The following FRMD4A variants were observed in gnomAD, a reference collection of about 807,000 sequenced individuals.
FRMD4A encodes FERM domain containing 4A.
A neutral mutation model predicts 129.1 loss-of-function variants in FRMD4A; 29 were observed. The observed-to-expected ratio is 0.22, with a 90% CI of 0.17 to 0.31. FRMD4A has a LOEUF of 0.31. Among genes scored for constraint, FRMD4A ranks in the 10% least tolerant of loss-of-function variants. The pLI, the probability that FRMD4A is intolerant of heterozygous loss-of-function variation, is 1.00. For missense variants in FRMD4A, 1,272 were observed against 1,375.8 expected (o/e 0.92, Z 1.19); for synonymous variants, 634 against 571.6 (o/e 1.11, Z -1.56).
chr10:14,239,661 A>AAG (rs1554792180), intron 2 of FRMD4A, among the ~76,000 whole-genome samples: 2 of 151,720 alleles, frequency 1.3e-5, no homozygotes, highest in East Asian at 3.9e-4. Flanking sequence ...ACAAAAAAAA[A>AAG]CTGGCAAAAG....
At position 13,810,906 on chromosome 10, in the gene FRMD4A, G is replaced by C; in HGVS notation, c.114C>G (p.Pro38=). The change falls in exon 4 of 25, where the codon CCC becomes CCG. Residue 38 remains proline, a splice_region_variant and synonymous_variant. Transcript: ENST00000357447. ...DDRKLELLVQ[P]KLLAKELLDL... is the part of the protein sequence containing the mutation. ...CAAGAAGCTCCTTGGCCAACAGCTT[G>C]GGCTGCAAGAAGAATACAATGGAAG... is the stretch of plus-strand genomic sequence containing the variant. 6.4e-7 allele frequency: 1 copy of C among 1,562,226 alleles called. No individual in the cohort carries two copies. The highest frequency in any genetic ancestry group is 1.4e-5 in the African/African-American group (1 of 73,982).
At chr10:14,280,484 A>T (rs1226140121) in intron 2 of FRMD4A, among the ~76,000 whole-genome samples, 1 of 152,090 alleles carries the variant, frequency 6.6e-6, no homozygotes, top group Non-Finnish European at 1.5e-5. Flanking sequence ...GCAAATCACC[A>T]TGTAAGTGAT....
intron 2 of FRMD4A, among the ~76,000 whole-genome samples, chr10:14,199,482 C>T (rs1052620027): frequency 4.0e-5 from 6 of 150,936 alleles, no homozygotes; most frequent in Non-Finnish European, 5.9e-5. Context: ...CTCCACCTCC[C>T]GGGCTCAAGC....
chr10:13,872,072 C>T (rs757724956), intron 2 of FRMD4A, among the ~76,000 whole-genome samples: 1 of 152,248 alleles, frequency 6.6e-6, no homozygotes, highest in South Asian at 2.1e-4. Flanking sequence ...TGATGAGGAA[C>T]GCTGCACATA....
chr10:13,981,703 C>T (rs1321860521), intron 2 of FRMD4A, among the ~76,000 whole-genome samples: 2 of 144,912 alleles, frequency 1.4e-5, no homozygotes, highest in African/African-American at 5.1e-5. Context: ...CACGCCATTG[C>T]ACTCCAGCCT....
rs1350094250 is a variant in FRMD4A at position 13,983,714 on chromosome 10, TG to T, written c.46-124803del. Reference sequence around the variant, plus strand: ...GATCTGTTAATGTTTCTTAATAAACTGGGGGCCGGGCGCGGTGGCTCATGCC... The same window carrying T: ...GATCTGTTAATGTTTCTTAATAAACTGGGGCCGGGCGCGGTGGCTCATGCC... On this transcript the variant is annotated intron_variant, in intron 2 of 24. Coordinates refer to ENST00000357447, the MANE Select transcript of FRMD4A (RefSeq NM_018027.5). Among the ~76,000 whole-genome samples, 9 of 151,978 alleles carry T rather than the reference TG, an allele frequency of 5.9e-5. No individual in the cohort carries two copies. The East Asian group carries it at 1.7e-3, about 29-fold the overall frequency.
intron 2 of FRMD4A, among the ~76,000 whole-genome samples, chr10:14,146,059 T>C (rs1840059016): frequency 6.6e-6 from 1 of 152,234 alleles, no homozygotes; most frequent in Non-Finnish European, 1.5e-5. Context: ...TCGCTGGCTG[T>C]GTGACCTTGA....
chr10:14,093,580 G>A (rs772526233), intron 2 of FRMD4A, among the ~76,000 whole-genome samples: 8 of 152,130 alleles, frequency 5.3e-5, no homozygotes, highest in Non-Finnish European at 7.3e-5. Context: ...AGGCTTTGAC[G>A]GGATGAGTGG....
At chr10:14,090,551 G>C (rs1836600735) in intron 2 of FRMD4A, among the ~76,000 whole-genome samples, 1 of 152,212 alleles carries the variant, frequency 6.6e-6, no homozygotes, top group Admixed American at 6.5e-5. Flanking sequence ...GGTTGGGTTA[G>C]AGCCAGGCAG....
At chr10:14,229,007 C>A (rs560686513) in intron 2 of FRMD4A, among the ~76,000 whole-genome samples, 126 of 152,234 alleles carry the variant, frequency 8.3e-4, no homozygotes, top group African/African-American at 2.9e-3. Context: ...ACGAGCCCTG[C>A]TGGAATGACC....
intron 19 of FRMD4A, among the ~76,000 whole-genome samples, chr10:13,661,104 T>C (rs574097746): frequency 2.9e-4 from 44 of 152,328 alleles, no homozygotes; most frequent in South Asian, 1.7e-3. Context: ...TCTACTCTGC[T>C]TTTTTCCCCC....
intron 2 of FRMD4A, among the ~76,000 whole-genome samples, chr10:13,886,362 G>A (rs1813908351): frequency 6.6e-6 from 1 of 152,166 alleles, no homozygotes; most frequent in Non-Finnish European, 1.5e-5. Flanking sequence ...TGTGCAGGGA[G>A]AGGTTTTGGC....
At chr10:13,892,939 C>G (rs2094717287) in intron 2 of FRMD4A, among the ~76,000 whole-genome samples, 1 of 152,124 alleles carries the variant, frequency 6.6e-6, no homozygotes, top group African/African-American at 2.4e-5. Context: ...TTCAACAGTT[C>G]AAAAGGCCTC....
chr10:14,154,354 G>A (rs1270563971), intron 2 of FRMD4A, among the ~76,000 whole-genome samples: 1 of 152,096 alleles, frequency 6.6e-6, no homozygotes, highest in East Asian at 1.9e-4. Context: ...TGAGATTTTA[G>A]AAAGCCTTAT....
At chr10:14,171,210 C>T (rs778161590) in intron 2 of FRMD4A, among the ~76,000 whole-genome samples, 5 of 152,230 alleles carry the variant, frequency 3.3e-5, no homozygotes, top group African/African-American at 4.8e-5. Context: ...ATCACCTTCT[C>T]TCTCTCTCTT....
At chr10:14,109,751 C>T (rs1256605276) in intron 2 of FRMD4A, among the ~76,000 whole-genome samples, 1 of 152,082 alleles carries the variant, frequency 6.6e-6, no homozygotes. Context: ...GTGGGCAGAT[C>T]ACTTGAGGTC....
rs1192247259 is a variant in FRMD4A, at chr10:14,085,363, G to A, written c.46-226451C>T. Reference sequence around the variant, plus strand: ...CGTGGTTGCAGGGTTTCCACGAGCCGATGGATGTAAAGAACCCAGCAGGAC... The same window carrying A: ...CGTGGTTGCAGGGTTTCCACGAGCCAATGGATGTAAAGAACCCAGCAGGAC... On this transcript the variant is annotated intron_variant, in intron 2 of 24. Transcript: ENST00000357447. 5.3e-5 allele frequency among the ~76,000 whole-genome samples: 8 copies of A among 152,284 alleles called. No individual in the cohort carries two copies. In the East Asian group the frequency reaches 1.3e-3, roughly 26 times the overall value.
intron 2 of FRMD4A, among the ~76,000 whole-genome samples, chr10:14,220,072 G>A (rs1177149982): frequency 6.6e-6 from 1 of 152,156 alleles, no homozygotes; most frequent in Non-Finnish European, 1.5e-5. Flanking sequence ...ATGTGGTCCT[G>A]ACAATCCCGG....
At chr10:14,138,615 C>A (rs947547779) in intron 2 of FRMD4A, among the ~76,000 whole-genome samples, 1 of 151,960 alleles carries the variant, frequency 6.6e-6, no homozygotes, top group African/African-American at 2.4e-5. Flanking sequence ...AAAAATTAGC[C>A]AGGCCGTGGT....
Sources: allele counts gnomAD v4.1 joint callset (sites outside exome capture counted in the v4.1 genomes callset), GRCh38; gene constraint gnomAD v4.1.1; transcripts MANE v1.5; gene names NCBI Gene and HGNC (gene_info 2026-07-23, HGNC 2026-07-21).